Variants in CCDC102B observed in about 807,000 individuals in gnomAD.
CCDC102B encodes the protein coiled-coil domain containing 102B.
Under a neutral mutation model 57.4 loss-of-function variants are expected in CCDC102B, and 75 were observed. The observed-to-expected ratio is 1.31, with a 90% confidence interval of 1.08 to 1.58. CCDC102B has a LOEUF of 1.58. Ranked by LOEUF, CCDC102B falls within the 40% of genes most tolerant of loss-of-function variation. The pLI, the probability that CCDC102B is intolerant of heterozygous loss-of-function variation, is 0.00. For synonymous variants in CCDC102B, 206 were observed against 201.9 expected, an observed-to-expected ratio of 1.02 and a Z score of -0.17; for missense variants, 636 against 582.6, an observed-to-expected ratio of 1.09 and a Z score of -0.94.
intron 1 of CCDC102B, among the ~76,000 whole-genome samples, chr18:68,801,010 G>T (rs1246319370): frequency 6.6e-6 from 1 of 151,536 alleles, no homozygotes; most frequent in African/African-American, 2.4e-5. Flanking sequence ...TAACAACGAG[G>T]TTTTTTTGTT....
chr18:68,746,607 C>A (rs900690704), intron 2 of CCDC102B, among the ~76,000 whole-genome samples: 1 of 152,064 alleles, frequency 6.6e-6, no homozygotes, highest in African/African-American at 2.4e-5. Flanking sequence ...TCTACCTCTA[C>A]AGGCAAAAAA....
At chr18:68,897,035 G>A (rs1341429185) in intron 5 of CCDC102B, among the ~76,000 whole-genome samples, 184 bp from the exon 6 acceptor site, 3 of 152,078 alleles carry the variant, frequency 2.0e-5, no homozygotes, top group East Asian at 3.9e-4. Flanking sequence ...TTTATCTACG[G>A]TTTGGCCTGA....
At chr18:68,899,346 AACC>A (rs1286479944) in intron 6 of CCDC102B, among the ~76,000 whole-genome samples, 1 of 152,034 alleles carries the variant, frequency 6.6e-6, no homozygotes, top group African/African-American at 2.4e-5. Flanking sequence ...CATAACACAA[AACC>A]ATACTGTAGT....
At chr18:68,866,781 G>T (rs1010063733) in intron 4 of CCDC102B, 3 of 675,726 alleles carry the variant, frequency 4.4e-6, no homozygotes, top group Non-Finnish European at 5.7e-6. Context: ...TTGGTATGTC[G>T]GTGCTTTTGC....
rs572917199 is a variant in CCDC102B at position 68,910,111 on chromosome 18, G to A, written c.1263+12683G>A. Among the ~76,000 whole-genome samples, 131 of 152,212 alleles carry A rather than the reference G, an allele frequency of 8.6e-4. 1 individual carries two copies. Among genetic ancestry groups the A allele is most frequent in the African/African-American group, 2.7e-3 (111 of 41,534 alleles). ...ATCATTTGACCAGCCTGGCCAACAC[G>A]GTGAAACACCGTGTCTACTAAAAAT... On this transcript the variant is annotated intron_variant, in intron 6 of 7. Coordinates refer to ENST00000360242, the MANE Select transcript of CCDC102B (RefSeq NM_024781.3).
At chr18:68,873,788 A>G (rs975042983) in intron 4 of CCDC102B, among the ~76,000 whole-genome samples, 2 of 152,040 alleles carry the variant, frequency 1.3e-5, no homozygotes, top group African/African-American at 4.8e-5. Context: ...AGTTGCATAC[A>G]TATTATGGAT....
chr18:68,883,413 G>GA (rs898556345), intron 5 of CCDC102B, among the ~76,000 whole-genome samples: 67 of 150,718 alleles, frequency 4.4e-4, no homozygotes, highest in African/African-American at 1.0e-3. Flanking sequence ...TCTATCATGA[G>GA]AAAAAAAAAT....
Position 68,874,960 on chromosome 18 carries a change from C to G in CCDC102B, c.1053+175C>G, listed in dbSNP as rs970352441. ...TAAAAGGCTGTGGAATGACATTGGC[C>G]CATAACTAGATCTGAACTATTTGAA... On this transcript the variant is annotated intron_variant, in intron 5 of 7. Coordinates refer to ENST00000360242, the MANE Select transcript of CCDC102B (RefSeq NM_024781.3). 2.2e-5 allele frequency: 10 copies of G among 461,694 alleles called. No individual in the cohort carries two copies. The Admixed American group carries it at 2.4e-4, about 11-fold the overall frequency. The allele number at this position is 461,694 out of a possible 1,614,324, so 28.6% of individuals were successfully genotyped here.
intron 5 of CCDC102B, among the ~76,000 whole-genome samples, chr18:68,889,948 A>T (rs1004840527): frequency 6.6e-6 from 1 of 152,054 alleles, no homozygotes; most frequent in Admixed American, 6.6e-5. Flanking sequence ...TTCTGTGTTC[A>T]TCCTGTACTT....
At chr18:68,930,919 T>A (rs1362993285) in intron 6 of CCDC102B, among the ~76,000 whole-genome samples, 3 of 151,038 alleles carry the variant, frequency 2.0e-5, no homozygotes, top group Non-Finnish European at 4.4e-5. Context: ...CACATACACT[T>A]TTTTTTTTCA....
At chr18:68,901,610 G>A (rs2040456359) in intron 6 of CCDC102B, among the ~76,000 whole-genome samples, 1 of 152,150 alleles carries the variant, frequency 6.6e-6, no homozygotes. Context: ...GTCCTCCAAA[G>A]AAAAGTCTTT....
At chr18:68,717,250 T>C (rs924963560) in intron 2 of CCDC102B, among the ~76,000 whole-genome samples, 6 of 152,062 alleles carry the variant, frequency 3.9e-5, no homozygotes, top group African/African-American at 7.2e-5. Context: ...CTCTATAAAA[T>C]AAATACCAAT....
chr18:68,976,058 T>C (rs1157320964), intron 6 of CCDC102B, among the ~76,000 whole-genome samples: 3 of 152,072 alleles, frequency 2.0e-5, no homozygotes, highest in African/African-American at 7.2e-5. Context: ...TTCACTTTTC[T>C]CAGTTAAATA....
intron 2 of CCDC102B, among the ~76,000 whole-genome samples, chr18:68,751,093 A>T (rs2033833465): frequency 6.6e-6 from 1 of 152,152 alleles, no homozygotes; most frequent in South Asian, 2.1e-4. Flanking sequence ...AACAATAGAA[A>T]ATAAAAAAGA....
At chr18:68,766,711 A>T (rs2034481095) in intron 2 of CCDC102B, among the ~76,000 whole-genome samples, 1 of 152,150 alleles carries the variant, frequency 6.6e-6, no homozygotes, top group Non-Finnish European at 1.5e-5. Context: ...TTGTTTTGCC[A>T]GCTGAGAAAT....
chr18:68,765,765 A>G (rs1323383680), intron 2 of CCDC102B, among the ~76,000 whole-genome samples: 1 of 152,208 alleles, frequency 6.6e-6, no homozygotes, highest in Non-Finnish European at 1.5e-5. Flanking sequence ...ATTACTTAAT[A>G]TTCTATCAAC....
At chr18:68,728,636 T>C (rs940999253) in intron 2 of CCDC102B, among the ~76,000 whole-genome samples, 2 of 152,202 alleles carry the variant, frequency 1.3e-5, no homozygotes, top group Admixed American at 6.5e-5. Flanking sequence ...TTTACATCAA[T>C]GTGCCCTAAA....
chr18:68,832,519 T>C (rs1293232446), intron 1 of CCDC102B, among the ~76,000 whole-genome samples: 1 of 152,160 alleles, frequency 6.6e-6, no homozygotes. Flanking sequence ...GTGTTTTGTT[T>C]TGTTTTAGGC....
intron 2 of CCDC102B, among the ~76,000 whole-genome samples, chr18:68,765,320 G>A (rs184840129): frequency 0.17 from 6,549 of 39,584 alleles, 241 homozygotes; most frequent in East Asian, 0.31. Flanking sequence ...AAGGAAGGAA[G>A]GAAGGAAAGA....
Sources: allele counts gnomAD v4.1 joint callset (sites outside exome capture counted in the v4.1 genomes callset), GRCh38; gene constraint gnomAD v4.1.1; transcripts MANE v1.5; gene names NCBI Gene and HGNC (gene_info 2026-07-23, HGNC 2026-07-21).